Variants in CIT observed in about 807,000 individuals in gnomAD.
CIT encodes citron Rho-interacting kinase.
In CIT, 79 loss-of-function variants were observed where a neutral mutation model predicts 272.7. That is an observed-to-expected ratio of 0.29 (90% confidence interval 0.24 to 0.35). CIT has a LOEUF of 0.35. Among genes scored for constraint, CIT ranks in the 10% least tolerant of loss-of-function variants. CIT has a pLI of 1.00. For synonymous variants in CIT, 948 were observed against 995.6 expected (o/e 0.95, Z 0.90); for missense variants, 1,909 against 2,618.3 (o/e 0.73, Z 5.91).
chr12:119,732,263 A>G (rs887848782), intron 26 of CIT, among the ~76,000 whole-genome samples: 2 of 152,248 alleles, frequency 1.3e-5, no homozygotes, highest in Non-Finnish European at 2.9e-5. Flanking sequence ...TTGCCCTGAA[A>G]GCAGACATGA....
intron 23 of CIT, among the ~76,000 whole-genome samples, chr12:119,747,416 A>T (rs1341944404): frequency 7.3e-6 from 1 of 136,674 alleles, no homozygotes; most frequent in South Asian, 2.4e-4. Flanking sequence ...GGGAGACTCC[A>T]TCTCAAAAAA....
rs188742218 is a variant in CIT at position 119,847,946 on chromosome 12, A to C, written c.516+2228T>G. Reference sequence around the variant, plus strand: ...TAAAAGTCTGTTAATACATTCAAACATGAGAAGCTGCTTATGATGCAGAGA... The same window carrying C: ...TAAAAGTCTGTTAATACATTCAAACCTGAGAAGCTGCTTATGATGCAGAGA... On this transcript the variant is annotated intron_variant, in intron 5 of 47. Transcript: ENST00000392521. Among the ~76,000 whole-genome samples, 477 of 152,294 alleles carry C rather than the reference A, an allele frequency of 3.1e-3. 4 individuals carry two copies. The highest frequency in any genetic ancestry group is 0.011 in the African/African-American group (458 of 41,556).
intron 7 of CIT, among the ~76,000 whole-genome samples, chr12:119,825,638 G>A (rs1968101711): frequency 6.6e-6 from 1 of 152,106 alleles, no homozygotes; most frequent in South Asian, 2.1e-4. Context: ...ATACGAATGA[G>A]AGTTGGATAT....
Position 119,713,066 on chromosome 12 carries a change from A to T in CIT, c.4579+137T>A. 1 of 712,692 alleles carries T rather than the reference A, an allele frequency of 1.4e-6. No homozygotes were observed. The highest frequency in any genetic ancestry group is 2.5e-6 in the Non-Finnish European group (1 of 406,428). 44.1% of individuals were successfully genotyped at this position (712,692 alleles called of 1,614,324 possible). A position where few individuals can be genotyped will look rare whatever the true frequency, so the allele number is the denominator to read the frequency against. ...CGCACCAATAACCTTTAGAGAAGTCATTTGGTTTGTAAGTTTCAAAAATGG... is the reference window on the plus strand; with the variant it reads ...CGCACCAATAACCTTTAGAGAAGTCTTTTGGTTTGTAAGTTTCAAAAATGG... On this transcript the variant is annotated intron_variant, in intron 35 of 47. Coordinates refer to ENST00000392521, the MANE Select transcript of CIT (RefSeq NM_001206999.2). This position sits in a 1 kb window ranked among gnomAD's most constrained non-coding sequence, Gnocchi z 5.2.
rs764053689 is a variant in CIT at position 119,776,753 on chromosome 12, G to A, written c.1755C>T (p.Tyr585=). ...LVSARRRSDL[Y]ESELRESRLA... is the part of the protein sequence containing the mutation. ...GCCGAGACTCTCTCAGCTCAGATTC[G>A]TAGAGATCACTCCGTCTTCTTGCTG... The change falls in exon 14 of 48, where the codon TAC becomes TAT. Residue 585 remains tyrosine, a synonymous_variant. Transcript: ENST00000392521. 1.6e-5 allele frequency: 26 copies of A among 1,613,896 alleles called. No homozygotes were observed. Among genetic ancestry groups the A allele is most frequent in the South Asian group, 5.5e-5 (5 of 91,080 alleles).
chr12:119,710,287 T>C lies in CIT; in HGVS notation c.5035A>G (p.Ile1679Val), dbSNP rs776268071. The change falls in exon 39 of 48, where the codon ATT becomes GTT. Residue 1679 changes from isoleucine (I) to valine (V), a missense_variant. Ile to Val is a conservative substitution (Grantham distance 29, BLOSUM62 3). This residue lies in a region of CIT where 780 missense variants were observed against 1,067.2 expected (regional missense o/e 0.73). Coordinates refer to ENST00000392521, the MANE Select transcript of CIT (RefSeq NM_001206999.2). This position sits in a 1 kb window ranked among gnomAD's most constrained non-coding sequence, Gnocchi z 5.6. ...AGTAGCTTCTCCAGGTCCTTGATAA[T>C]ATAAATTTGGAAGACTGCTCCAATT... The part of the protein sequence containing the change: ...PGIGAVFQIY[I>V]IKDLEKLLMI... 18 of 1,614,108 alleles carry C rather than the reference T, an allele frequency of 1.1e-5. No homozygotes were observed. The highest frequency in any genetic ancestry group is 2.2e-5 in the East Asian group (1 of 44,904).
At position 119,710,696 on chromosome 12, in the gene CIT, A is replaced by G; in HGVS notation, c.4855-76T>C. 1 of 1,396,322 alleles carries G rather than the reference A, an allele frequency of 7.2e-7. No individual in the cohort carries two copies. Among genetic ancestry groups the G allele is most frequent in the Non-Finnish European group, 1.0e-6 (1 of 983,922 alleles). 86.5% of individuals were successfully genotyped at this position (1,396,322 alleles called of 1,614,324 possible). ...TGTTTATGACCAAACCATCCAGAGA[A>G]ACCAAGAGAAGGTTAAGGCCAAGTT... On this transcript the variant is annotated intron_variant, in intron 37 of 47. Coordinates refer to ENST00000392521, the MANE Select transcript of CIT (RefSeq NM_001206999.2). The surrounding 1 kb of genome is among the most constrained non-coding windows in gnomAD (Gnocchi z 5.6).
chr12:119,776,462 G>A (rs184685541), intron 14 of CIT, 54 bp from the exon 15 acceptor site: 47 of 1,450,986 alleles, frequency 3.2e-5, no homozygotes, highest in African/African-American at 5.6e-5. Context: ...TAAAAAAGTC[G>A]TGTAGACTAC....
chr12:119,711,153 G>T, intron 37 of CIT: 1 of 1,328,114 alleles, frequency 7.5e-7, no homozygotes, highest in African/African-American at 1.5e-5. Flanking sequence ...CGACCAACAA[G>T]TCATCCAAAC....
intron 24 of CIT, among the ~76,000 whole-genome samples, chr12:119,739,929 G>A (rs987524674): frequency 2.8e-4 from 42 of 152,234 alleles, no homozygotes; most frequent in East Asian, 5.8e-4. Flanking sequence ...ATCAATGAGC[G>A]TACTGATTGG....
Position 119,690,368 on chromosome 12 carries a change from C to A in CIT, c.5969G>T (p.Ser1990Ile). ...ASSPAPPEGPSHPREPSTPHR... is the reference protein window; with the variant it reads ...ASSPAPPEGPIHPREPSTPHR... ...GGGTGTGCTTGGCTCTCGCGGGTGG[C>A]TGGGGCCTTCGGGCGGCGCTGGGCT... The change falls in exon 47 of 48, where the codon AGC becomes ATC. Residue 1990 changes from serine to isoleucine, a missense_variant. This residue lies in a region of CIT where 780 missense variants were observed against 1,067.2 expected (regional missense o/e 0.73). Coordinates refer to ENST00000392521, the MANE Select transcript of CIT (RefSeq NM_001206999.2). This position sits in a 1 kb window ranked among gnomAD's most constrained non-coding sequence, Gnocchi z 6.0. 1.3e-6 allele frequency: 2 copies of A among 1,597,998 alleles called. No individual in the cohort carries two copies. The highest frequency in any genetic ancestry group is 1.7e-6 in the Non-Finnish European group (2 of 1,178,198).
intron 3 of CIT, among the ~76,000 whole-genome samples, chr12:119,863,794 T>C (rs1003450463): frequency 6.0e-5 from 9 of 149,550 alleles, no homozygotes; most frequent in African/African-American, 2.2e-4. Flanking sequence ...CCTCCCAAAG[T>C]GCTAGGATTA....
At chr12:119,850,305 T>C in intron 4 of CIT, 30 bp from the exon 5 acceptor site, 4 of 1,402,058 alleles carry the variant, frequency 2.9e-6, no homozygotes, top group Non-Finnish European at 4.0e-6. Flanking sequence ...CTTAGACAAT[T>C]ATAAAGAACT....
At chr12:119,806,528 T>G (rs1162273808) in intron 9 of CIT, among the ~76,000 whole-genome samples, 1 of 152,134 alleles carries the variant, frequency 6.6e-6, no homozygotes, top group Non-Finnish European at 1.5e-5. Context: ...TGGTCCAGGA[T>G]CACTGAGCCC....
chr12:119,841,759 T>G (rs935256337), intron 5 of CIT, among the ~76,000 whole-genome samples: 27 of 152,180 alleles, frequency 1.8e-4, no homozygotes, highest in African/African-American at 6.5e-4. Context: ...AACAGAGACA[T>G]GAAATGGCCC....
At chr12:119,834,831 GA>G (rs918232145) in intron 5 of CIT, among the ~76,000 whole-genome samples, 2 of 151,996 alleles carry the variant, frequency 1.3e-5, no homozygotes, top group South Asian at 2.1e-4. Context: ...TGTAACAGGG[GA>G]AAAAAACATG....
intron 3 of CIT, among the ~76,000 whole-genome samples, chr12:119,866,541 G>A (rs1950521162): frequency 6.6e-6 from 1 of 152,202 alleles, no homozygotes; most frequent in African/African-American, 2.4e-5. Flanking sequence ...GTTGTGGGCT[G>A]GGCACAGTGG....
At chr12:119,705,361 A>G (rs1243673928) in intron 40 of CIT, among the ~76,000 whole-genome samples, 1 of 152,176 alleles carries the variant, frequency 6.6e-6, no homozygotes, top group Non-Finnish European at 1.5e-5. Context: ...ATCATTCACC[A>G]AATGAGGCTT....
In CIT at chr12:119,784,687, A is replaced by T; in HGVS notation, c.1401+273T>A. 1 of 1,307,062 alleles carries T rather than the reference A, an allele frequency of 7.7e-7. No homozygotes were observed. The highest frequency in any genetic ancestry group is 2.0e-5 in the South Asian group (1 of 50,864). 81.0% of individuals were successfully genotyped at this position (1,307,062 alleles called of 1,614,324 possible). A position where few individuals can be genotyped will look rare whatever the true frequency, so the allele number is the denominator to read the frequency against. ...GGTGAGGACCCAGGCCACCTGCCGG[A>T]AGAAGCAGACATCTGGCTGGGTCAT... On this transcript the variant is annotated intron_variant, in intron 11 of 47. Coordinates refer to ENST00000392521, the MANE Select transcript of CIT (RefSeq NM_001206999.2). This position sits in a 1 kb window ranked among gnomAD's most constrained non-coding sequence, Gnocchi z 4.7.
Sources: allele counts gnomAD v4.1 joint callset (sites outside exome capture counted in the v4.1 genomes callset), GRCh38; gene constraint gnomAD v4.1.1; regional missense constraint gnomAD v4.1.1; non-coding constraint Gnocchi (gnomAD v3.1); transcripts MANE v1.5; gene names NCBI Gene and HGNC (gene_info 2026-07-23, HGNC 2026-07-21).